Variants in MKLN1 observed in about 807,000 individuals in gnomAD.
The protein encoded by MKLN1 is muskelin.
MKLN1 carries 18 observed loss-of-function variants against 99.0 expected under a neutral mutation model. The ratio of observed to expected loss-of-function variants is 0.18; its 90% confidence interval spans 0.13 to 0.27. MKLN1 has a LOEUF of 0.27. Ranked by LOEUF, MKLN1 falls within the 10% of genes least tolerant of loss-of-function variation. The pLI is 1.00. For missense variants in MKLN1, 621 were observed against 875.9 expected, an observed-to-expected ratio of 0.71 and a Z score of 3.67; for synonymous variants, 288 against 293.2, an observed-to-expected ratio of 0.98 and a Z score of 0.18.
At chr7:131,143,732 G>A (rs767355481) in intron 2 of MKLN1, among the ~76,000 whole-genome samples, 15 of 152,160 alleles carry the variant, frequency 9.9e-5, no homozygotes, top group Non-Finnish European at 1.9e-4. Context: ...GGAGGCTGAG[G>A]CAGGAGGATC....
intron 2 of MKLN1, among the ~76,000 whole-genome samples, chr7:131,384,795 G>A (rs1163280429): frequency 6.6e-6 from 1 of 152,198 alleles, no homozygotes; most frequent in African/African-American, 2.4e-5. Context: ...TCAGCAATGT[G>A]CCAAATAAGA....
chr7:131,390,676 T>G (rs1794174457), intron 4 of MKLN1, among the ~76,000 whole-genome samples: 1 of 152,048 alleles, frequency 6.6e-6, no homozygotes, highest in Non-Finnish European at 1.5e-5. Context: ...ATACTTAACA[T>G]TTTTTTATGG....
At chr7:131,226,939 T>C (rs1460901833) in intron 3 of MKLN1, among the ~76,000 whole-genome samples, 3 of 152,222 alleles carry the variant, frequency 2.0e-5, no homozygotes, top group Non-Finnish European at 4.4e-5. Flanking sequence ...TCAGAATGGA[T>C]TCAGCAATAA....
At chr7:131,356,543 G>T (rs1479024601) in intron 1 of MKLN1, among the ~76,000 whole-genome samples, 4 of 152,052 alleles carry the variant, frequency 2.6e-5, no homozygotes, top group Admixed American at 1.3e-4. Flanking sequence ...TGGTTCTATG[G>T]GTCTTGGCCT....
chr7:131,256,903 A>T (rs1797665863), intron 3 of MKLN1, among the ~76,000 whole-genome samples: 1 of 152,242 alleles, frequency 6.6e-6, no homozygotes, highest in Admixed American at 6.5e-5. Context: ...AAACCTCAGC[A>T]TCATGCAATA....
intron 8 of MKLN1, among the ~76,000 whole-genome samples, chr7:131,417,956 T>G (rs1055144783): frequency 3.9e-5 from 6 of 152,242 alleles, no homozygotes; most frequent in Non-Finnish European, 8.8e-5. Context: ...GGAAAAGAAC[T>G]GTATTTATTT....
intron 3 of MKLN1, among the ~76,000 whole-genome samples, chr7:131,251,138 C>T (rs925378324): frequency 6.5e-5 from 9 of 138,328 alleles, no homozygotes; most frequent in Non-Finnish European, 1.4e-4. Flanking sequence ...CCATTTTGAC[C>T]ATCTTAAAGT....
intron 3 of MKLN1, among the ~76,000 whole-genome samples, chr7:131,204,651 G>A (rs988723772): frequency 6.0e-5 from 9 of 150,576 alleles, no homozygotes; most frequent in African/African-American, 2.2e-4. Context: ...CCAACATGGT[G>A]GAACCCCGTC....
Position 131,464,336 on chromosome 7 carries a change from A to G in MKLN1, c.1716A>G (p.Pro572=), listed in dbSNP as rs1356478320. The change falls in exon 14 of 18, where the codon CCA becomes CCG. Residue 572 remains proline (P), a synonymous_variant. Coordinates refer to ENST00000352689, the MANE Select transcript of MKLN1 (RefSeq NM_013255.5). ...YKNDQAAKDN[P]TKSLQEEEPC... ...ATGATCAAGCTGCAAAGGATAATCC[A>G]ACTAAAAGTCTTCAGGAAGAAGAAC... The G allele has an allele frequency of 1.2e-6, 2 of 1,613,748 alleles. No individual in the cohort carries two copies. Among genetic ancestry groups the G allele is most frequent in the South Asian group, 2.2e-5 (2 of 91,054 alleles).
At chr7:131,142,824 C>G (rs938718019) in exon 2 of MKLN1, 1 of 991,298 alleles carries the variant, frequency 1.0e-6, no homozygotes, top group Non-Finnish European at 1.4e-6. Flanking sequence ...TTCCAGAGTT[C>G]CATATCCAGA....
intron 2 of MKLN1, among the ~76,000 whole-genome samples, chr7:131,143,292 C>A (rs1047626210): frequency 7.1e-6 from 1 of 140,570 alleles, no homozygotes; most frequent in African/African-American, 2.5e-5. Flanking sequence ...CATGGTGAAA[C>A]CCCATCTCTA....
intron 3 of MKLN1, among the ~76,000 whole-genome samples, chr7:131,268,674 T>C (rs1165171429): frequency 2.0e-5 from 3 of 152,228 alleles, no homozygotes; most frequent in Non-Finnish European, 4.4e-5. Context: ...CACTTTCACA[T>C]GCCTTTGACT....
intron 3 of MKLN1, among the ~76,000 whole-genome samples, chr7:131,313,228 T>C (rs1208386844): frequency 1.3e-5 from 2 of 152,226 alleles, no homozygotes; most frequent in African/African-American, 4.8e-5. Flanking sequence ...GGAAAGCATT[T>C]GGGTTGGTTA....
chr7:131,452,700 G>A (rs561842952), intron 12 of MKLN1, among the ~76,000 whole-genome samples: 5 of 151,952 alleles, frequency 3.3e-5, no homozygotes, highest in East Asian at 1.9e-4. Context: ...ACAGGCATGC[G>A]CCACTACGCC....
intron 2 of MKLN1, among the ~76,000 whole-genome samples, chr7:131,379,671 A>G (rs984548063): frequency 1.3e-5 from 2 of 152,230 alleles, no homozygotes; most frequent in Admixed American, 6.5e-5. Flanking sequence ...ACTGTAGTCA[A>G]TAATAACTAT....
At chr7:131,280,630 A>G (rs1798036520) in intron 3 of MKLN1, among the ~76,000 whole-genome samples, 1 of 145,078 alleles carries the variant, frequency 6.9e-6, no homozygotes, top group Admixed American at 7.3e-5. Context: ...TTATTCATCC[A>G]TGTTTTTTTT....
At chr7:131,191,748 G>T in intron 2 of MKLN1, among the ~76,000 whole-genome samples, 2 of 139,996 alleles carry the variant, frequency 1.4e-5, no homozygotes. Flanking sequence ...GAGTCTCGCT[G>T]TATCTCCCAG....
chr7:131,285,034 G>A (rs117911989), intron 3 of MKLN1: 7,923 of 152,296 alleles, frequency 0.052, 332 homozygotes, highest in Admixed American at 0.12. Context: ...CTGAGATTCC[G>A]GTTCCCCAGC....
At chr7:131,197,070 T>G (rs1796657855) in intron 2 of MKLN1, among the ~76,000 whole-genome samples, 1 of 152,208 alleles carries the variant, frequency 6.6e-6, no homozygotes, top group South Asian at 2.1e-4. Context: ...TTCTCAGAGC[T>G]GGCACACACA....
Sources: gnomAD v4.1 joint callset for allele counts (sites outside exome capture counted in the v4.1 genomes callset) on GRCh38, gnomAD v4.1.1 for gene constraint, MANE v1.5 for transcripts, NCBI Gene and HGNC (gene_info 2026-07-23, HGNC 2026-07-21) for gene names.